The following NLK variants were observed in gnomAD, a reference collection of about 807,000 sequenced individuals.
NLK encodes the protein nemo like kinase.
Under a neutral mutation model 59.0 loss-of-function variants are expected in NLK, and 11 were observed. That is an observed-to-expected ratio of 0.19 (90% CI 0.12 to 0.31). The LOEUF (loss-of-function observed/expected upper bound fraction) is 0.31, where lower values mean the gene tolerates loss of function less well. Among genes scored for constraint, NLK ranks in the 10% least tolerant of loss-of-function variants. NLK has a pLI of 1.00. For missense variants in NLK, 410 were observed against 661.1 expected, an observed-to-expected ratio of 0.62 and a Z score of 4.16; for synonymous variants, 235 against 235.9, an observed-to-expected ratio of 1.00 and a Z score of 0.03.
intron 5 of NLK, 75 bp downstream of exon 5, chr17:28,163,703 TGAAA>T (rs1908105702): frequency 1.3e-5 from 12 of 889,570 alleles, no homozygotes; most frequent in Middle Eastern, 2.3e-4. Flanking sequence ...CATATTTTTG[TGAAA>T]GAAAGAAGTT....
At chr17:28,143,239 T>G (rs974302300) in intron 3 of NLK, among the ~76,000 whole-genome samples, 1 of 152,026 alleles carries the variant, frequency 6.6e-6, no homozygotes, top group Admixed American at 6.6e-5. Flanking sequence ...ATACAGGATT[T>G]CACCATGTTG....
chr17:28,190,919 T>C (rs1909283981), intron 8 of NLK, 102 bp from the exon 9 acceptor site: 1 of 768,628 alleles, frequency 1.3e-6, no homozygotes, highest in Non-Finnish European at 2.1e-6. Context: ...CTATAAATTA[T>C]ATATATGCTA....
intron 3 of NLK, among the ~76,000 whole-genome samples, chr17:28,136,144 C>T (rs1449292057): frequency 6.6e-6 from 1 of 152,110 alleles, no homozygotes; most frequent in East Asian, 1.9e-4. Flanking sequence ...TCTGGTATAC[C>T]ATTTACTTAA....
chr17:28,202,449 A>G, the NLK span, among the ~76,000 whole-genome samples: 30 of 152,074 alleles, frequency 2.0e-4, no homozygotes, highest in African/African-American at 7.0e-4. Context: ...CAGCCTCCCA[A>G]AGTGCTGGGA....
In NLK at chr17:28,104,906, C is replaced by G. The variant is rs150682290; in HGVS notation, c.459-17697C>G. ...AAGTTGATGCTGTGCTGTCCTAGTTCTAAATCCATTTTATGGTTTTCTTAT... is the reference window on the plus strand; with the variant it reads ...AAGTTGATGCTGTGCTGTCCTAGTTGTAAATCCATTTTATGGTTTTCTTAT... On this transcript the variant is annotated intron_variant, in intron 1 of 10. Coordinates refer to ENST00000407008, the MANE Select transcript of NLK (RefSeq NM_016231.5). Among the ~76,000 whole-genome samples the G allele has an allele frequency of 1.3e-3, 194 of 152,312 alleles. 1 individual carries two copies. The highest frequency in any genetic ancestry group is 3.1e-3 in the African/African-American group (130 of 41,552).
intron 7 of NLK, among the ~76,000 whole-genome samples, chr17:28,173,763 A>G (rs1417827291): frequency 1.3e-5 from 2 of 152,220 alleles, no homozygotes; most frequent in Admixed American, 6.5e-5. Context: ...ATTATGTTCC[A>G]TTTATTGGCC....
At chr17:28,154,430 C>A (rs1907615346) in intron 3 of NLK, among the ~76,000 whole-genome samples, 2 of 151,988 alleles carry the variant, frequency 1.3e-5, no homozygotes, top group Non-Finnish European at 2.9e-5. Context: ...AATGATTAAC[C>A]CAGGAAGGAG....
chr17:28,055,808 G>A lies in NLK; in HGVS notation c.458+12477G>A, dbSNP rs576587292. On this transcript the variant is annotated intron_variant, in intron 1 of 10. Coordinates refer to ENST00000407008, the MANE Select transcript of NLK (RefSeq NM_016231.5). ...TTTAGGGAAAATAAACAGCTTTTGT[G>A]TGATGGTTGACAGGTATCAGGTATG... is the stretch of plus-strand genomic sequence containing the variant. 2.6e-5 allele frequency among the ~76,000 whole-genome samples: 4 copies of A among 152,308 alleles called. No individual in the cohort carries two copies. The South Asian group carries it at 8.3e-4, about 32-fold the overall frequency.
chr17:28,056,329 AT>A, intron 1 of NLK, among the ~76,000 whole-genome samples: 1 of 152,300 alleles, frequency 6.6e-6, no homozygotes, highest in Admixed American at 6.5e-5. Flanking sequence ...TAGCTGCCTC[AT>A]TTTATAAGTG....
At chr17:28,182,123 G>A (rs183371787) in intron 7 of NLK, among the ~76,000 whole-genome samples, 4 of 152,200 alleles carry the variant, frequency 2.6e-5, no homozygotes, top group Admixed American at 2.0e-4. Flanking sequence ...AAGACATGTT[G>A]GATTTATCTA....
chr17:28,079,819 T>C (rs1161237227), intron 1 of NLK, among the ~76,000 whole-genome samples: 3 of 152,242 alleles, frequency 2.0e-5, no homozygotes, highest in African/African-American at 7.2e-5. Context: ...GCAAAAGTTT[T>C]TGAGTCCTGT....
intron 3 of NLK, among the ~76,000 whole-genome samples, chr17:28,142,795 G>T (rs550104735): frequency 2.0e-5 from 3 of 151,912 alleles, no homozygotes; most frequent in Non-Finnish European, 4.4e-5. Context: ...TTTCAGACAG[G>T]AATGGCAGGA....
At chr17:28,090,081 G>A (rs1330208251) in intron 1 of NLK, among the ~76,000 whole-genome samples, 1 of 152,066 alleles carries the variant, frequency 6.6e-6, no homozygotes, top group African/African-American at 2.4e-5. Context: ...AATCATGCAT[G>A]TTTATCTTTC....
At chr17:28,069,515 G>T (rs565638573) in intron 1 of NLK, among the ~76,000 whole-genome samples, 1 of 152,326 alleles carries the variant, frequency 6.6e-6, no homozygotes, top group South Asian at 2.1e-4. Context: ...GCAAAGATGA[G>T]AGTTCTAACC....
In NLK at chr17:28,115,382, A is replaced by G. The variant is rs192563708; in HGVS notation, c.459-7221A>G. Among the ~76,000 whole-genome samples the G allele has an allele frequency of 9.1e-4, 139 of 152,328 alleles. 1 individual carries two copies. The highest frequency in any genetic ancestry group is 3.2e-3 in the African/African-American group (134 of 41,562). ...TTAGGCGGATGGGTTTGAAGCTGAG[A>G]GACAATAGCTTAATAACTGATACAA... On this transcript the variant is annotated intron_variant, in intron 1 of 10. Coordinates refer to ENST00000407008, the MANE Select transcript of NLK (RefSeq NM_016231.5).
chr17:28,088,448 G>A (rs1158324641), intron 1 of NLK, among the ~76,000 whole-genome samples: 1 of 152,078 alleles, frequency 6.6e-6, no homozygotes, highest in Non-Finnish European at 1.5e-5. Flanking sequence ...TTGTTGGTAG[G>A]TACGGTTTCT....
chr17:28,141,908 G>A (rs1477356430), intron 3 of NLK, among the ~76,000 whole-genome samples: 1 of 152,102 alleles, frequency 6.6e-6, no homozygotes. Flanking sequence ...TTTGGCTTCT[G>A]TTCCTCAGCT....
In NLK at chr17:28,192,217, A is replaced by G. The variant is rs1269200354; in HGVS notation, c.1529+4A>G. The G allele has an allele frequency of 4.8e-6, 7 of 1,465,196 alleles. No homozygotes were observed. In the African/African-American group the frequency reaches 9.7e-5, roughly 20 times the overall value. The allele number at this position is 1,465,196 out of a possible 1,614,324, so 90.8% of individuals were successfully genotyped here. On this transcript the variant is annotated splice_donor_region_variant and intron_variant, in intron 10 of 10. Transcript: ENST00000407008. ...CTGCTTTTAAGAGCTTTATTAGGTAACTATATGTATGTAATTCAACATTCT... is the reference window on the plus strand; with the variant it reads ...CTGCTTTTAAGAGCTTTATTAGGTAGCTATATGTATGTAATTCAACATTCT...
intron 1 of NLK, among the ~76,000 whole-genome samples, chr17:28,072,010 A>G (rs1351164658): frequency 1.3e-5 from 2 of 152,044 alleles, no homozygotes; most frequent in African/African-American, 2.4e-5. Flanking sequence ...CAACCACCCA[A>G]CTAACCAACC....
Sources: gnomAD v4.1 joint callset for allele counts (sites outside exome capture counted in the v4.1 genomes callset) on GRCh38, gnomAD v4.1.1 for gene constraint, MANE v1.5 for transcripts, NCBI Gene and HGNC (gene_info 2026-07-23, HGNC 2026-07-21) for gene names.